Variants in TAS2R1 observed in about 807,000 individuals in gnomAD.
The protein encoded by TAS2R1 is taste 2 receptor member 1, also known as taste receptor type 2 member 1.
For missense variants in TAS2R1, 370 were observed against 353.4 expected, an observed-to-expected ratio of 1.05 and a Z score of -0.38; for synonymous variants, 141 against 134.2, an observed-to-expected ratio of 1.05 and a Z score of -0.35.
At chr5:9,859,315 T>C in the TAS2R1 span, among the ~76,000 whole-genome samples, 3 of 152,130 alleles carry the variant, frequency 2.0e-5, no homozygotes, top group Non-Finnish European at 4.4e-5. Flanking sequence ...ATGATTTAGA[T>C]GTTAGTCTGC....
the TAS2R1 span, among the ~76,000 whole-genome samples, chr5:9,827,617 C>CAT: frequency 6.6e-6 from 1 of 151,722 alleles, no homozygotes; most frequent in African/African-American, 2.4e-5. Flanking sequence ...CACACACACA[C>CAT]ACACACACAA....
chr5:9,744,623 G>GAGGAAAC, the TAS2R1 span, among the ~76,000 whole-genome samples: 1 of 152,102 alleles, frequency 6.6e-6, no homozygotes, highest in Admixed American at 6.5e-5. Flanking sequence ...TCAGATCTTT[G>GAGGAAAC]AGGAAACAGA....
the TAS2R1 span, among the ~76,000 whole-genome samples, chr5:9,847,106 A>G: frequency 6.6e-6 from 1 of 152,210 alleles, no homozygotes; most frequent in Non-Finnish European, 1.5e-5. Context: ...GGAAAACTTC[A>G]TAGATGACCC....
the TAS2R1 span, among the ~76,000 whole-genome samples, chr5:9,767,011 C>T: frequency 6.6e-6 from 1 of 152,138 alleles, no homozygotes; most frequent in African/African-American, 2.4e-5. Context: ...CTAAACAACA[C>T]CTACACATGG....
At chr5:9,802,430 G>A in the TAS2R1 span, among the ~76,000 whole-genome samples, 2 of 152,164 alleles carry the variant, frequency 1.3e-5, no homozygotes, top group African/African-American at 4.8e-5. Flanking sequence ...TGAACAAGCA[G>A]CCCTTGAGTC....
the TAS2R1 span, among the ~76,000 whole-genome samples, chr5:9,857,599 TAATATA>T: frequency 3.9e-5 from 6 of 152,214 alleles, no homozygotes; most frequent in African/African-American, 1.4e-4. Flanking sequence ...TAAATAAATT[TAATATA>T]AATATTTATT....
intron 1 of TAS2R1, among the ~76,000 whole-genome samples, chr5:9,689,796 C>A (rs538887061): frequency 6.6e-6 from 1 of 152,168 alleles, no homozygotes; most frequent in Admixed American, 6.5e-5. Context: ...TTTCATAAAT[C>A]TTATTCAAAT....
the TAS2R1 span, chr5:9,903,409 T>C: frequency 6.6e-6 from 1 of 152,046 alleles, no homozygotes; most frequent in Non-Finnish European, 1.5e-5. Flanking sequence ...ATTTCTGAGA[T>C]TCTGGTGCAG....
In TAS2R1 at chr5:9,691,459, G is replaced by A. The variant is rs183193268; in HGVS notation, c.-242+20713C>T. Among the ~76,000 whole-genome samples the A allele has an allele frequency of 4.4e-4, 67 of 152,386 alleles. No individual in the cohort carries two copies. The East Asian group carries it at 5.0e-3, about 11-fold the overall frequency. ...TACTTTGCCTTGGCAGCCACAGGACGCAGACACAGGCATTCAGGCTGAAGG... is the reference window on the plus strand; with the variant it reads ...TACTTTGCCTTGGCAGCCACAGGACACAGACACAGGCATTCAGGCTGAAGG... On this transcript the variant is annotated intron_variant, in intron 1 of 2. Coordinates refer to the TAS2R1 transcript ENST00000506620.
chr5:9,689,779 T>C (rs1741198294), intron 1 of TAS2R1, among the ~76,000 whole-genome samples: 1 of 152,130 alleles, frequency 6.6e-6, no homozygotes, highest in Admixed American at 6.5e-5. Context: ...TTATGAAACA[T>C]CAAAATTTTC....
the TAS2R1 span, among the ~76,000 whole-genome samples, chr5:9,742,918 C>A: frequency 6.6e-6 from 1 of 152,016 alleles, no homozygotes; most frequent in Admixed American, 6.6e-5. Flanking sequence ...AGACATCAGT[C>A]AGAGAAACAG....
chr5:9,672,850 T>A lies in TAS2R1; in HGVS notation c.-241-13269A>T, dbSNP rs141185969. Among the ~76,000 whole-genome samples, 327 of 152,230 alleles carry A rather than the reference T, an allele frequency of 2.1e-3. 2 individuals are homozygous for A. Among genetic ancestry groups the A allele is most frequent in the African/African-American group, 6.8e-3 (281 of 41,544 alleles). On this transcript the variant is annotated intron_variant, in intron 1 of 2. Coordinates refer to the TAS2R1 transcript ENST00000506620. ...CCGTAAAGACACATGCACATGTAAG[T>A]TCATTGCAGCACTAGTCACAATAGC... is the stretch of plus-strand genomic sequence containing the variant.
At chr5:9,739,400 G>A in the TAS2R1 span, among the ~76,000 whole-genome samples, 2 of 152,254 alleles carry the variant, frequency 1.3e-5, no homozygotes, top group South Asian at 4.2e-4. Context: ...ACTATGTGTT[G>A]GGCAGTGAGA....
At chr5:9,886,367 C>G in the TAS2R1 span, among the ~76,000 whole-genome samples, 1 of 139,810 alleles carries the variant, frequency 7.2e-6, no homozygotes, top group African/African-American at 2.7e-5. Flanking sequence ...ACGAGTCTCA[C>G]TCTGTCGCCC....
chr5:9,880,700 A>G, the TAS2R1 span, among the ~76,000 whole-genome samples: 128 of 152,316 alleles, frequency 8.4e-4, 1 homozygote, highest in African/African-American at 2.9e-3. Context: ...AGCCATGTAG[A>G]CAACAACAGA....
chr5:9,897,451 AAAACAAAAAAACAAAAAAC>A, the TAS2R1 span, among the ~76,000 whole-genome samples: 1 of 152,192 alleles, frequency 6.6e-6, no homozygotes, highest in Admixed American at 6.5e-5. Flanking sequence ...TCCATCTCAA[AAAACAAAAAAACAAAAAAC>A]AAACAAAAAC....
chr5:9,709,749 C>T (rs73037656), intron 1 of TAS2R1, among the ~76,000 whole-genome samples: 2,685 of 152,298 alleles, frequency 0.018, 88 homozygotes, highest in African/African-American at 0.061. Context: ...CCAAGTCAAG[C>T]CCTCAGCTAA....
At chr5:9,729,575 C>CTT in the TAS2R1 span, among the ~76,000 whole-genome samples, 595 of 151,668 alleles carry the variant, frequency 3.9e-3, 3 homozygotes, top group African/African-American at 0.013. Flanking sequence ...CCAAAAGACC[C>CTT]TTTTTTTTAA....
At chr5:9,635,244 A>G (rs1448090856), upstream of TAS2R1, among the ~76,000 whole-genome samples, 1 of 152,144 alleles carries the variant, frequency 6.6e-6, no homozygotes, top group Non-Finnish European at 1.5e-5. Context: ...GTCATGTATC[A>G]CATGTATTGA....
Sources: gnomAD v4.1 joint callset for allele counts (sites outside exome capture counted in the v4.1 genomes callset) on GRCh38, gnomAD v4.1.1 for gene constraint, MANE v1.5 for transcripts, NCBI Gene and HGNC (gene_info 2026-07-23, HGNC 2026-07-21) for gene names.